Variants in SMARCC1 observed in about 807,000 individuals in gnomAD.
SMARCC1 encodes the protein SWI/SNF related BAF chromatin remodeling complex subunit C1, also known as SWI/SNF complex subunit SMARCC1.
In SMARCC1, 43 loss-of-function variants were observed where a neutral mutation model predicts 147.4. The observed-to-expected ratio is 0.29, with a 90% CI of 0.23 to 0.38. SMARCC1 has a LOEUF of 0.38. Among genes scored for constraint, SMARCC1 ranks in the 10% least tolerant of loss-of-function variants. The pLI is 1.00. For synonymous variants in SMARCC1, 495 were observed against 484.4 expected, an observed-to-expected ratio of 1.02 and a Z score of -0.29; for missense variants, 1,119 against 1,381.1, an observed-to-expected ratio of 0.81 and a Z score of 3.01.
At chr3:47,622,904 C>CA (rs1459238429) in intron 24 of SMARCC1, among the ~76,000 whole-genome samples, 1 of 152,118 alleles carries the variant, frequency 6.6e-6, no homozygotes, top group African/African-American at 2.4e-5. Flanking sequence ...CTGGAAGACT[C>CA]ACTCCTTTGC....
At chr3:47,691,133 T>A (rs894579892) in intron 12 of SMARCC1, among the ~76,000 whole-genome samples, 8 of 152,134 alleles carry the variant, frequency 5.3e-5, no homozygotes, top group African/African-American at 1.9e-4. Context: ...TTATATATGA[T>A]CCCTAATATT....
chr3:47,595,585 G>A (rs2032261866), intron 26 of SMARCC1, among the ~76,000 whole-genome samples: 1 of 151,678 alleles, frequency 6.6e-6, no homozygotes, highest in South Asian at 2.1e-4. Context: ...CCAAGCCTAA[G>A]TTAAAACAAT....
chr3:47,720,527 A>C, intron 7 of SMARCC1, 139 bp downstream of exon 7: 1 of 647,584 alleles, frequency 1.5e-6, no homozygotes, highest in African/African-American at 1.8e-5. Context: ...GAAAACAGTC[A>C]ATAAAAGACT....
At chr3:47,600,292 G>A (rs1022455580) in intron 26 of SMARCC1, among the ~76,000 whole-genome samples, 1 of 152,208 alleles carries the variant, frequency 6.6e-6, no homozygotes, top group African/African-American at 2.4e-5. Context: ...AGGTACCTAA[G>A]AGTGAATGAT....
At chr3:47,760,794 C>G (rs2034764480) in intron 2 of SMARCC1, among the ~76,000 whole-genome samples, 1 of 152,152 alleles carries the variant, frequency 6.6e-6, no homozygotes, top group Non-Finnish European at 1.5e-5. Flanking sequence ...GAGTTCAAAA[C>G]CAGCCTGGGT....
chr3:47,767,684 A>G (rs1374585693), intron 2 of SMARCC1, among the ~76,000 whole-genome samples: 1 of 150,666 alleles, frequency 6.6e-6, no homozygotes, highest in East Asian at 2.0e-4. Flanking sequence ...CTTGGCCAAC[A>G]TGGAGAAACC....
At chr3:47,629,913 G>C (rs1304680565) in intron 24 of SMARCC1, among the ~76,000 whole-genome samples, 1 of 151,814 alleles carries the variant, frequency 6.6e-6, no homozygotes, top group Non-Finnish European at 1.5e-5. Flanking sequence ...ATAAATAACT[G>C]TAACAGGAAT....
chr3:47,616,545 A>G (rs1471580864), intron 25 of SMARCC1, among the ~76,000 whole-genome samples: 1 of 151,954 alleles, frequency 6.6e-6, no homozygotes, highest in Non-Finnish European at 1.5e-5. Context: ...TACCGGGTTC[A>G]AGTGGTTCTC....
intron 25 of SMARCC1, among the ~76,000 whole-genome samples, chr3:47,618,646 A>G (rs896105772): frequency 3.9e-5 from 6 of 152,164 alleles, no homozygotes; most frequent in Non-Finnish European, 7.4e-5. Context: ...CAGGGCTGAG[A>G]GAAGAGGAGC....
At chr3:47,697,584 G>A (rs1176248765) in intron 11 of SMARCC1, among the ~76,000 whole-genome samples, 6 of 149,732 alleles carry the variant, frequency 4.0e-5, no homozygotes, top group Admixed American at 2.7e-4. Context: ...TTACAGGTGT[G>A]AGCCACTGCA....
intron 21 of SMARCC1, among the ~76,000 whole-genome samples, chr3:47,655,402 A>G (rs1327655251): frequency 2.0e-5 from 3 of 151,918 alleles, no homozygotes; most frequent in Non-Finnish European, 1.5e-5. Context: ...CTGTCTCAAA[A>G]AAAATAATAA....
rs373959195 is a variant in SMARCC1 at position 47,659,760 on chromosome 3, A to AAGGGG, written c.2320+1533_2320+1534insCCCCT. 1.7e-3 allele frequency among the ~76,000 whole-genome samples: 83 copies of AAGGGG among 47,762 alleles called. 2 individuals are homozygous for AAGGGG. Among genetic ancestry groups the AAGGGG allele is most frequent in the African/African-American group, 7.2e-3 (79 of 10,980 alleles). 31.3% of individuals were successfully genotyped at this position (47,762 alleles called of 152,430 possible). A position where few individuals can be genotyped will look rare whatever the true frequency, so the allele number is the denominator to read the frequency against. On this transcript the variant is annotated intron_variant, in intron 21 of 27. Coordinates refer to ENST00000254480, the MANE Select transcript of SMARCC1 (RefSeq NM_003074.4). Reference sequence around the variant, plus strand: ...CATAAAGTCTACTAAGAAAAAAAAAAGGGGGGGGGGGCAAGAATCTGAGTA... The same window carrying AAGGGG: ...CATAAAGTCTACTAAGAAAAAAAAAAAGGGGGGGGGGGGGGGCAAGAATCTGAGTA...
intron 9 of SMARCC1, among the ~76,000 whole-genome samples, chr3:47,710,147 T>C (rs1476219986): frequency 6.6e-6 from 1 of 151,998 alleles, no homozygotes; most frequent in Non-Finnish European, 1.5e-5. Context: ...AGAAACCCTG[T>C]CTCTACTAAA....
intron 21 of SMARCC1, among the ~76,000 whole-genome samples, chr3:47,660,580 T>C (rs1209868180): frequency 1.3e-5 from 2 of 151,704 alleles, no homozygotes; most frequent in South Asian, 2.1e-4. Context: ...TGCTACAGCA[T>C]GGAAGAACCT....
In SMARCC1 at chr3:47,587,340, T is replaced by C. The variant is rs745871221; in HGVS notation, c.*869A>G. Reference sequence around the variant, plus strand: ...GGTAATTACCCTAGACTCCTAACTTTCCAGGCTAGTTGAGGAAACTAAGGA... The same window carrying C: ...GGTAATTACCCTAGACTCCTAACTTCCCAGGCTAGTTGAGGAAACTAAGGA... On this transcript the variant is annotated 3_prime_UTR_variant, in exon 28 of 28. Transcript: ENST00000254480. 1 of 152,294 alleles carries C rather than the reference T, an allele frequency of 6.6e-6. No homozygotes were observed. The highest frequency in any genetic ancestry group is 6.5e-5 in the Admixed American group (1 of 15,284). The allele number at this position is 152,294 out of a possible 1,614,324, so 9.4% of individuals were successfully genotyped here.
chr3:47,734,783 G>A (rs1431657737), intron 5 of SMARCC1, among the ~76,000 whole-genome samples: 3 of 152,226 alleles, frequency 2.0e-5, no homozygotes. Context: ...ATTTTTCTGA[G>A]ACGGAGTCTC....
At position 47,702,948 on chromosome 3, in the gene SMARCC1, A is replaced by G. The variant is rs186538152; in HGVS notation, c.1041-1546T>C. 1.4e-3 allele frequency among the ~76,000 whole-genome samples: 220 copies of G among 152,082 alleles called. 3 individuals are homozygous for G. Among genetic ancestry groups the G allele is most frequent in the Admixed American group, 0.011 (175 of 15,256 alleles). On this transcript the variant is annotated intron_variant, in intron 10 of 27. Transcript: ENST00000254480. ...TTGTTTTGGTGGGGGCGGGGGTAGGAGACAGTCTTGCTCTGTTGCCCAGGC... is the reference window on the plus strand; with the variant it reads ...TTGTTTTGGTGGGGGCGGGGGTAGGGGACAGTCTTGCTCTGTTGCCCAGGC...
chr3:47,772,921 C>G lies in SMARCC1; in HGVS notation c.211G>C (p.Ala71Pro), dbSNP rs773594590. ...CCAGCCAGTGTTTTATTGGTAGGAG[C>G]ATCCGCATGAACATACTGCAAGATA... ...KHYKKYVHAD[A>P]PTNKTLAGLV... is the part of the protein sequence containing the mutation. The change falls in exon 2 of 28, where the codon GCT becomes CCT. Residue 71 changes from alanine (A) to proline (P), a missense_variant. By Grantham distance (27) the Ala-to-Pro change is conservative. This residue lies in a region of SMARCC1 where 542 missense variants were observed against 611.8 expected (regional missense o/e 0.89). Transcript: ENST00000254480. 3 of 1,612,904 alleles carry G rather than the reference C, an allele frequency of 1.9e-6. No individual in the cohort carries two copies. In the African/African-American group the frequency reaches 4.0e-5, roughly 22 times the overall value.
intron 1 of SMARCC1, among the ~76,000 whole-genome samples, chr3:47,777,378 C>T (rs563685715): frequency 2.0e-5 from 3 of 151,820 alleles, no homozygotes; most frequent in South Asian, 4.2e-4. Context: ...ACACCATGCC[C>T]GGCCTATATT....
Sources: allele counts gnomAD v4.1 joint callset (sites outside exome capture counted in the v4.1 genomes callset), GRCh38; gene constraint gnomAD v4.1.1; regional missense constraint gnomAD v4.1.1; transcripts MANE v1.5; gene names NCBI Gene and HGNC (gene_info 2026-07-23, HGNC 2026-07-21).